The following CTNND2 variants were observed in gnomAD, a reference collection of about 807,000 sequenced individuals.
CTNND2 encodes catenin delta 2, also known as catenin delta-2.
Under a neutral mutation model 144.4 loss-of-function variants are expected in CTNND2, and 22 were observed. The observed-to-expected ratio is 0.15, with a 90% CI of 0.11 to 0.22. The LOEUF (loss-of-function observed/expected upper bound fraction) is 0.22, where lower values mean the gene tolerates loss of function less well. CTNND2 is among the 10% of genes least tolerant of loss of function. The pLI, the probability that CTNND2 is intolerant of heterozygous loss-of-function variation, is 1.00. For synonymous variants in CTNND2, 751 were observed against 695.6 expected (o/e 1.08, Z -1.25); for missense variants, 1,353 against 1,618.8 (o/e 0.84, Z 2.82).
At chr5:11,678,715 G>T (rs563161654) in intron 2 of CTNND2, among the ~76,000 whole-genome samples, 1 of 152,184 alleles carries the variant, frequency 6.6e-6, no homozygotes, top group East Asian at 1.9e-4. Flanking sequence ...TCTTCCTTTA[G>T]TAAAGAGTAA....
At chr5:10,982,729 C>T (rs1460970991) in intron 20 of CTNND2, among the ~76,000 whole-genome samples, 2 of 152,130 alleles carry the variant, frequency 1.3e-5, no homozygotes, top group Non-Finnish European at 2.9e-5. Flanking sequence ...TGACAATAGC[C>T]TAGATGTGGA....
At chr5:11,182,256 G>C (rs1457233080) in intron 11 of CTNND2, among the ~76,000 whole-genome samples, 1 of 151,626 alleles carries the variant, frequency 6.6e-6, no homozygotes, top group Non-Finnish European at 1.5e-5. Flanking sequence ...TACGTGTGTA[G>C]TGTGTGCATG....
At chr5:11,430,205 C>T (rs986842178) in intron 3 of CTNND2, among the ~76,000 whole-genome samples, 5 of 139,916 alleles carry the variant, frequency 3.6e-5, no homozygotes, top group Admixed American at 7.4e-5. Flanking sequence ...GCTGAGACTG[C>T]GCCACTGCAC....
At chr5:11,211,977 C>A (rs926454033) in intron 10 of CTNND2, among the ~76,000 whole-genome samples, 3 of 152,070 alleles carry the variant, frequency 2.0e-5, no homozygotes, top group Non-Finnish European at 4.4e-5. Flanking sequence ...TCAAGACTTT[C>A]ATTAAACCGG....
At chr5:10,979,999 G>T (rs773737765) in intron 21 of CTNND2, among the ~76,000 whole-genome samples, 3 of 152,114 alleles carry the variant, frequency 2.0e-5, no homozygotes, top group African/African-American at 2.4e-5. Context: ...CATGGGCAAA[G>T]ACTTCATGTC....
chr5:11,709,616 T>C (rs1785908748), intron 2 of CTNND2, among the ~76,000 whole-genome samples: 1 of 152,080 alleles, frequency 6.6e-6, no homozygotes, highest in Admixed American at 6.6e-5. Flanking sequence ...AAAAACAACA[T>C]AAAAAGTTAA....
chr5:11,224,418 G>C lies in CTNND2; in HGVS notation c.1761+12273C>G, dbSNP rs1039334576. On this transcript the variant is annotated intron_variant, in intron 10 of 21. Coordinates refer to ENST00000304623, the MANE Select transcript of CTNND2 (RefSeq NM_001332.4). ...TGAGAAGCTTTAACTTCTCCACAGA[G>C]CAAACCCCTCCACCGAGGCCTGGTA... Among the ~76,000 whole-genome samples, 4 of 152,132 alleles carry C rather than the reference G, an allele frequency of 2.6e-5. 1 individual carries two copies. The highest frequency in any genetic ancestry group is 2.6e-4 in the Admixed American group (4 of 15,270).
intron 14 of CTNND2, among the ~76,000 whole-genome samples, chr5:11,109,310 A>G (rs912694948): frequency 6.6e-6 from 1 of 152,188 alleles, no homozygotes; most frequent in Non-Finnish European, 1.5e-5. Flanking sequence ...TTCAATAGCA[A>G]CCATTTCTTG....
chr5:11,470,976 ATATATTTTTT>A (rs1378121600), intron 3 of CTNND2, among the ~76,000 whole-genome samples: 142 of 95,128 alleles, frequency 1.5e-3, no homozygotes, highest in African/African-American at 8.7e-3. Context: ...ATATATATAT[ATATATTTTTT>A]TTTTTTTTTT....
chr5:10,978,169 C>T (rs1234491675), intron 21 of CTNND2, among the ~76,000 whole-genome samples: 2 of 152,168 alleles, frequency 1.3e-5, no homozygotes, highest in African/African-American at 2.4e-5. Context: ...CTGTTCCAGG[C>T]GCAAAGTTCT....
chr5:11,136,939 A>G (rs1326479951), intron 12 of CTNND2, among the ~76,000 whole-genome samples: 2 of 152,142 alleles, frequency 1.3e-5, no homozygotes, highest in East Asian at 1.9e-4. Flanking sequence ...CATTGGTTCT[A>G]TGTTCATTCA....
intron 12 of CTNND2, among the ~76,000 whole-genome samples, chr5:11,155,788 C>T (rs567873096): frequency 6.6e-6 from 1 of 152,240 alleles, no homozygotes; most frequent in Admixed American, 6.5e-5. Flanking sequence ...GATAGATCTG[C>T]TTTTTAAAAA....
chr5:11,101,566 G>C (rs1751877788), intron 14 of CTNND2, among the ~76,000 whole-genome samples: 2 of 152,208 alleles, frequency 1.3e-5, no homozygotes, highest in Non-Finnish European at 2.9e-5. Context: ...GACATTATCA[G>C]AAGGCAAGCA....
At chr5:11,899,003 G>A (rs893767150) in intron 1 of CTNND2, among the ~76,000 whole-genome samples, 1 of 152,072 alleles carries the variant, frequency 6.6e-6, no homozygotes. Context: ...TGGAAGAGCT[G>A]GGCACTTTTT....
intron 3 of CTNND2, among the ~76,000 whole-genome samples, chr5:11,506,662 C>A (rs1294212959): frequency 6.6e-6 from 1 of 152,202 alleles, no homozygotes; most frequent in Non-Finnish European, 1.5e-5. Context: ...ATGCTGTTTA[C>A]CTTAAATATA....
chr5:11,054,566 G>A (rs377040433), intron 16 of CTNND2, among the ~76,000 whole-genome samples: 42 of 152,042 alleles, frequency 2.8e-4, no homozygotes, highest in African/African-American at 9.6e-4. Flanking sequence ...AGCTGCTCCC[G>A]CCTTCCCGCC....
intron 1 of CTNND2, among the ~76,000 whole-genome samples, chr5:11,769,127 A>G (rs1789770741): frequency 6.6e-6 from 1 of 152,166 alleles, no homozygotes; most frequent in Non-Finnish European, 1.5e-5. Context: ...CTCAGAACTT[A>G]AACCTTCTGA....
intron 1 of CTNND2, among the ~76,000 whole-genome samples, chr5:11,741,056 AG>A: frequency 6.6e-6 from 1 of 152,350 alleles, no homozygotes; most frequent in Non-Finnish European, 1.5e-5. Flanking sequence ...ATCATTAAAA[AG>A]TCAGGAAACA....
chr5:11,500,045 T>C lies in CTNND2; in HGVS notation c.287+64899A>G, dbSNP rs79854164. On this transcript the variant is annotated intron_variant, in intron 3 of 21. Transcript: ENST00000304623. ...GAGTGAGGGCCTGTAAGAATCCCCTTATGAAGAGTACGATCAATGAAGGGC... is the reference window on the plus strand; with the variant it reads ...GAGTGAGGGCCTGTAAGAATCCCCTCATGAAGAGTACGATCAATGAAGGGC... 3.2e-3 allele frequency among the ~76,000 whole-genome samples: 483 copies of C among 152,262 alleles called. 4 individuals carry two copies. Among genetic ancestry groups the C allele is most frequent in the African/African-American group, 0.011 (469 of 41,558 alleles).
Sources: gnomAD v4.1 joint callset for allele counts (sites outside exome capture counted in the v4.1 genomes callset) on GRCh38, gnomAD v4.1.1 for gene constraint, MANE v1.5 for transcripts, NCBI Gene and HGNC (gene_info 2026-07-23, HGNC 2026-07-21) for gene names.